The following SEM1 variants were observed in gnomAD, a reference collection of about 807,000 sequenced individuals.
SEM1 encodes the protein 26S proteasome complex subunit SEM1.
SEM1 carries 3 observed loss-of-function variants against 12.7 expected under a neutral mutation model. The ratio of observed to expected loss-of-function variants is 0.24; its 90% CI spans 0.11 to 0.61. SEM1 has a LOEUF of 0.61. SEM1 is among the 20% of genes least tolerant of loss of function. The pLI is 0.88. For synonymous variants in SEM1, 30 were observed against 27.8 expected (o/e 1.08, Z -0.25); for missense variants, 59 against 81.3 (o/e 0.73, Z 1.06).
chr7:96,486,412 G>C, exon 2 of SEM1: 1 of 1,536,752 alleles, frequency 6.5e-7, no homozygotes. Context: ...CACAAATGTT[G>C]GAGTCCTATA....
chr7:96,543,673 G>T (rs1456390305), intron 2 of SEM1, among the ~76,000 whole-genome samples: 1 of 151,980 alleles, frequency 6.6e-6, no homozygotes, highest in East Asian at 1.9e-4. Flanking sequence ...CTTACTCCTA[G>T]CTCCCATATT....
chr7:96,503,322 T>G (rs1327990176), intron 3 of SEM1, among the ~76,000 whole-genome samples: 1 of 152,152 alleles, frequency 6.6e-6, no homozygotes, highest in African/African-American at 2.4e-5. Flanking sequence ...ACTCTGTCTT[T>G]TTGAATATAA....
At chr7:96,589,315 G>A (rs973503955) in intron 2 of SEM1, among the ~76,000 whole-genome samples, 6 of 152,164 alleles carry the variant, frequency 3.9e-5, no homozygotes, top group Non-Finnish European at 8.8e-5. Flanking sequence ...GAGTGGAAAC[G>A]GCCCATCCCC....
In SEM1 at chr7:96,673,809, T is replaced by TA; in HGVS notation, c.220dup (p.Tyr74LeufsTer30). Reference sequence around the variant, plus strand: ...CATTCTTCCCTTTTGGTGGAGAACATAGCAGCCATACGGGGTTTCACAGAC... The same window carrying TA: ...CATTCTTCCCTTTTGGTGGAGAACATAAGCAGCCATACGGGGTTTCACAGAC... On this transcript the variant is annotated frameshift_variant, in exon 3 of 3. Transcript: ENST00000413065. LOFTEE classifies it low-confidence loss of function (END_TRUNC). 1.3e-6 allele frequency: 1 copy of TA among 765,194 alleles called. No homozygotes were observed. The highest frequency in any genetic ancestry group is 2.4e-5 in the East Asian group (1 of 41,230). 47.4% of individuals were successfully genotyped at this position (765,194 alleles called of 1,614,324 possible).
At chr7:96,709,251 T>C in intron 1 of SEM1, among the ~76,000 whole-genome samples, 1 of 152,252 alleles carries the variant, frequency 6.6e-6, no homozygotes, top group East Asian at 1.9e-4. Flanking sequence ...GCTTCATTTG[T>C]AACATCCTAA....
At chr7:96,581,649 A>G (rs1806413360) in intron 2 of SEM1, among the ~76,000 whole-genome samples, 2 of 152,048 alleles carry the variant, frequency 1.3e-5, no homozygotes, top group South Asian at 2.1e-4. Context: ...TATTTCCTTG[A>G]GCAGTGGTTT....
At chr7:96,651,029 G>A (rs947640109) in intron 2 of SEM1, among the ~76,000 whole-genome samples, 13 of 152,288 alleles carry the variant, frequency 8.5e-5, no homozygotes, top group African/African-American at 2.9e-4. Flanking sequence ...ATGAATAACA[G>A]CAAAGTCAGT....
At chr7:96,484,469 T>C (rs1802672231) in intron 3 of SEM1, among the ~76,000 whole-genome samples, 1 of 152,190 alleles carries the variant, frequency 6.6e-6, no homozygotes, top group South Asian at 2.1e-4. Context: ...AAATGCTAAG[T>C]GTGGCTACAT....
At chr7:96,548,401 C>A (rs905996322) in intron 2 of SEM1, among the ~76,000 whole-genome samples, 1 of 152,080 alleles carries the variant, frequency 6.6e-6, no homozygotes, top group East Asian at 1.9e-4. Context: ...CTTGGAGTAA[C>A]ACATCATCTG....
At chr7:96,573,261 A>G (rs1456564399) in intron 2 of SEM1, among the ~76,000 whole-genome samples, 2 of 152,174 alleles carry the variant, frequency 1.3e-5, no homozygotes, top group African/African-American at 4.8e-5. Context: ...TGTGTCTTTT[A>G]ATTGGGGCAT....
At chr7:96,582,314 G>C (rs1047143845) in intron 2 of SEM1, among the ~76,000 whole-genome samples, 1 of 148,998 alleles carries the variant, frequency 6.7e-6, no homozygotes, top group African/African-American at 2.5e-5. Flanking sequence ...GCATCCCAGG[G>C]ATGAAGCCCA....
chr7:96,557,759 C>T (rs2115891925), intron 2 of SEM1, among the ~76,000 whole-genome samples: 1 of 151,682 alleles, frequency 6.6e-6, no homozygotes, highest in African/African-American at 2.4e-5. Context: ...CCTAATCAAG[C>T]CTAGGCAATG....
At chr7:96,630,734 A>G (rs960908557) in intron 2 of SEM1, among the ~76,000 whole-genome samples, 3 of 152,198 alleles carry the variant, frequency 2.0e-5, no homozygotes, top group Non-Finnish European at 1.5e-5. Flanking sequence ...ATTTGGGAAT[A>G]GGCTGAGTCT....
chr7:96,512,915 A>G (rs1050933133), intron 2 of SEM1, among the ~76,000 whole-genome samples: 2 of 152,176 alleles, frequency 1.3e-5, no homozygotes, highest in African/African-American at 2.4e-5. Context: ...AGTGAAGAGC[A>G]TAAACCACGT....
intron 2 of SEM1, among the ~76,000 whole-genome samples, chr7:96,555,175 G>GT (rs1805441229): frequency 9.9e-6 from 1 of 100,514 alleles, no homozygotes; most frequent in Non-Finnish European, 2.8e-5. Context: ...TTTTTTGAAG[G>GT]GTTTTTGTGT....
chr7:96,650,586 A>G (rs1808944077), intron 2 of SEM1: 4 of 708,896 alleles, frequency 5.6e-6, no homozygotes, highest in Non-Finnish European at 7.7e-6. Flanking sequence ...TAACAACAAC[A>G]ACACTGTAGG....
chr7:96,641,813 C>T (rs1023533519), intron 2 of SEM1, among the ~76,000 whole-genome samples: 3 of 151,432 alleles, frequency 2.0e-5, no homozygotes, highest in Non-Finnish European at 4.4e-5. Context: ...CTTCCCTATT[C>T]TTGTGCTTTT....
At chr7:96,493,556 C>T (rs965963561) in intron 1 of SEM1, among the ~76,000 whole-genome samples, 3 of 152,144 alleles carry the variant, frequency 2.0e-5, no homozygotes, top group Non-Finnish European at 2.9e-5. Flanking sequence ...CTGTGGATCA[C>T]TCCAACAGCT....
chr7:96,500,708 G>C (rs949425645), upstream of SEM1, among the ~76,000 whole-genome samples: 3 of 152,092 alleles, frequency 2.0e-5, no homozygotes, highest in African/African-American at 7.2e-5. Context: ...TACTGCTTTA[G>C]TTTCTACTTA....
Sources: allele counts gnomAD v4.1 joint callset (sites outside exome capture counted in the v4.1 genomes callset), GRCh38; gene constraint gnomAD v4.1.1; transcripts MANE v1.5; gene names NCBI Gene and HGNC (gene_info 2026-07-23, HGNC 2026-07-21).